PDE10A: variants seen among roughly 807,000 people sequenced by gnomAD.
PDE10A encodes cAMP and cAMP-inhibited cGMP 3',5'-cyclic phosphodiesterase 10A.
PDE10A carries 39 observed loss-of-function variants against 97.7 expected under a neutral mutation model. The observed-to-expected ratio is 0.40, with a 90% confidence interval of 0.31 to 0.52. The LOEUF is 0.52. Ranked by LOEUF, PDE10A falls within the 20% of genes least tolerant of loss-of-function variation. The pLI is 0.56. For synonymous variants in PDE10A, 371 were observed against 376.8 expected (o/e 0.98, Z 0.18); for missense variants, 731 against 1,047.8 (o/e 0.70, Z 4.17).
intron 1 of PDE10A, among the ~76,000 whole-genome samples, chr6:165,577,529 G>A (rs577859299): frequency 1.8e-4 from 27 of 152,206 alleles, no homozygotes; most frequent in African/African-American, 5.3e-4. Context: ...GGGCACAGGC[G>A]ACCCCCATCT....
intron 1 of PDE10A, among the ~76,000 whole-genome samples, chr6:165,806,831 A>G (rs1239532343): frequency 6.6e-6 from 1 of 152,172 alleles, no homozygotes; most frequent in African/African-American, 2.4e-5. Context: ...CACTTCAGGT[A>G]TTGGGGTTCA....
At chr6:165,875,416 T>C (rs1406847784) in intron 1 of PDE10A, among the ~76,000 whole-genome samples, 3 of 152,222 alleles carry the variant, frequency 2.0e-5, no homozygotes, top group Non-Finnish European at 4.4e-5. Context: ...CAATAGTTTT[T>C]ATTGCTGCCC....
intron 1 of PDE10A, among the ~76,000 whole-genome samples, chr6:165,725,062 G>A (rs953296324): frequency 1.3e-5 from 2 of 152,188 alleles, no homozygotes; most frequent in African/African-American, 4.8e-5. Flanking sequence ...GCTGAGGGTG[G>A]TCAGAGGAGA....
chr6:165,593,985 C>A (rs1786433979), intron 1 of PDE10A, among the ~76,000 whole-genome samples: 3 of 152,212 alleles, frequency 2.0e-5, no homozygotes, highest in Admixed American at 2.0e-4. Context: ...TAATTACTTT[C>A]TATGCCAATT....
chr6:165,413,627 G>C lies in PDE10A; in HGVS notation c.1950C>G (p.Ser650Arg). The C allele has an allele frequency of 6.2e-7, 1 of 1,614,106 alleles. No homozygotes were observed. Among genetic ancestry groups the C allele is most frequent in the Non-Finnish European group, 8.5e-7 (1 of 1,179,992 alleles). ...TRNILCMPIVSRGSVIGVVQM... is the reference protein window; with the variant it reads ...TRNILCMPIVRRGSVIGVVQM... ...GCACCACACCTATCACGCTGCCTCG[G>C]CTGACGATGGGCATGCACAGGATGT... The change falls in exon 13 of 22, where the codon AGC (serine) becomes AGG (arginine). Residue 650 changes from serine to arginine, a missense_variant. By Grantham distance (110) the Ser-to-Arg change is moderately radical. Coordinates refer to ENST00000539869, the MANE Select transcript of PDE10A (RefSeq NM_001385079.1).
chr6:165,716,355 A>G (rs1792026507), intron 1 of PDE10A, among the ~76,000 whole-genome samples: 1 of 152,226 alleles, frequency 6.6e-6, no homozygotes, highest in African/African-American at 2.4e-5. Flanking sequence ...TCAGGATTAA[A>G]TGCAAGCTGC....
At chr6:165,618,782 G>C (rs1210083597) in intron 1 of PDE10A, among the ~76,000 whole-genome samples, 2 of 152,190 alleles carry the variant, frequency 1.3e-5, no homozygotes, top group South Asian at 2.1e-4. Flanking sequence ...CAAGAGAGTC[G>C]CAACTAAAAC....
At chr6:165,479,040 T>C (rs552820438) in intron 3 of PDE10A, among the ~76,000 whole-genome samples, 2 of 152,288 alleles carry the variant, frequency 1.3e-5, no homozygotes, top group Non-Finnish European at 2.9e-5. Context: ...GCCCAACTAT[T>C]CTGGACACAC....
chr6:165,622,773 G>T (rs898455141), intron 1 of PDE10A, among the ~76,000 whole-genome samples: 1 of 152,160 alleles, frequency 6.6e-6, no homozygotes, highest in Non-Finnish European at 1.5e-5. Flanking sequence ...GATGCCAAGG[G>T]ATACTGTCTT....
chr6:165,402,420 T>C (rs1012870299), intron 13 of PDE10A, among the ~76,000 whole-genome samples: 5 of 152,098 alleles, frequency 3.3e-5, no homozygotes, highest in African/African-American at 1.2e-4. Context: ...ACCTTTAATA[T>C]GAATAGTAGA....
chr6:165,409,340 A>G (rs1028821611), intron 13 of PDE10A, among the ~76,000 whole-genome samples: 2 of 152,162 alleles, frequency 1.3e-5, no homozygotes, highest in African/African-American at 2.4e-5. Flanking sequence ...TGACCTCAGG[A>G]GTTCGAGAAT....
chr6:165,399,554 G>T (rs1786464624), intron 13 of PDE10A, among the ~76,000 whole-genome samples: 1 of 151,974 alleles, frequency 6.6e-6, no homozygotes, highest in African/African-American at 2.4e-5. Flanking sequence ...TTAACATTAG[G>T]TATATCTCCT....
chr6:165,887,102 G>C (rs1161701486), intron 1 of PDE10A, among the ~76,000 whole-genome samples: 2 of 152,156 alleles, frequency 1.3e-5, no homozygotes, highest in Non-Finnish European at 2.9e-5. Flanking sequence ...AAAAATCAAT[G>C]AATGAGTTAA....
intron 5 of PDE10A, among the ~76,000 whole-genome samples, chr6:165,447,996 A>G (rs1275329545): frequency 6.6e-6 from 1 of 152,242 alleles, no homozygotes; most frequent in Non-Finnish European, 1.5e-5. Context: ...CAAAACTGTT[A>G]TATTTAAGAG....
chr6:165,831,686 C>T (rs761068723), intron 1 of PDE10A, among the ~76,000 whole-genome samples: 39 of 151,936 alleles, frequency 2.6e-4, no homozygotes, highest in Non-Finnish European at 4.3e-4. Flanking sequence ...GGGGTTTCAC[C>T]GTGTTAGCCA....
intron 1 of PDE10A, among the ~76,000 whole-genome samples, chr6:165,561,541 G>A (rs1361873273): frequency 3.3e-5 from 5 of 152,242 alleles, no homozygotes; most frequent in East Asian, 1.9e-4. Context: ...TAACAAAAAC[G>A]TAACATTTAT....
At chr6:165,809,238 T>A (rs1779215571) in intron 1 of PDE10A, among the ~76,000 whole-genome samples, 1 of 152,144 alleles carries the variant, frequency 6.6e-6, no homozygotes, top group Non-Finnish European at 1.5e-5. Context: ...TCCTCTGCAG[T>A]CCTGGACTAA....
intron 1 of PDE10A, among the ~76,000 whole-genome samples, chr6:165,634,426 T>C (rs958941127): frequency 1.3e-4 from 20 of 152,144 alleles, no homozygotes; most frequent in African/African-American, 4.8e-4. Flanking sequence ...TCCCCTTATG[T>C]AAAACAAAGG....
rs932288570 is a variant in PDE10A, at chr6:165,499,947, T to C, written c.995-17604A>G. Among the ~76,000 whole-genome samples, 6 of 152,242 alleles carry C rather than the reference T, an allele frequency of 3.9e-5. No individual in the cohort carries two copies. The South Asian group carries it at 1.2e-3, about 32-fold the overall frequency. On this transcript the variant is annotated intron_variant, in intron 2 of 21. Transcript: ENST00000539869. The stretch of plus-strand genomic sequence containing the variant: ...AAAATTTAAGGGGATTTCCTTAACA[T>C]GATAAAGAGAATCTGTAAAAAGTCT...
Sources: gnomAD v4.1 joint callset for allele counts (sites outside exome capture counted in the v4.1 genomes callset) on GRCh38, gnomAD v4.1.1 for gene constraint, MANE v1.5 for transcripts, NCBI Gene and HGNC (gene_info 2026-07-23, HGNC 2026-07-21) for gene names.